TCF7L2: variants seen among roughly 807,000 people sequenced by gnomAD.
TCF7L2 encodes transcription factor 7-like 2.
Under a neutral mutation model 77.9 loss-of-function variants are expected in TCF7L2, and 23 were observed. The observed-to-expected ratio is 0.30, with a 90% CI of 0.21 to 0.42. The LOEUF (loss-of-function observed/expected upper bound fraction) is 0.42, where lower values mean the gene tolerates loss of function less well. Ranked by LOEUF, TCF7L2 falls within the 10% of genes least tolerant of loss-of-function variation. The pLI, the probability that TCF7L2 is intolerant of heterozygous loss-of-function variation, is 1.00. For synonymous variants in TCF7L2, 413 were observed against 340.2 expected (o/e 1.21, Z -2.36); for missense variants, 654 against 793.1 (o/e 0.82, Z 2.11).
chr10:113,091,250 A>G (rs2060371276), intron 5 of TCF7L2, among the ~76,000 whole-genome samples: 1 of 152,194 alleles, frequency 6.6e-6, no homozygotes, highest in South Asian at 2.1e-4. Context: ...AGTCATTCAT[A>G]TGCACAGACC....
intron 8 of TCF7L2, among the ~76,000 whole-genome samples, chr10:113,146,534 G>A (rs2069445288): frequency 1.3e-5 from 2 of 151,724 alleles, no homozygotes; most frequent in African/African-American, 4.8e-5. Context: ...TCCTCCCCTC[G>A]AAGGTAGCAC....
chr10:113,161,282 G>A, intron 13 of TCF7L2: 1 of 451,840 alleles, frequency 2.2e-6, no homozygotes, highest in South Asian at 3.2e-5. Context: ...ACCAGCTAAA[G>A]GGCTGCAAGC....
At chr10:113,010,942 G>C (rs1472097601) in intron 4 of TCF7L2, among the ~76,000 whole-genome samples, 2 of 152,150 alleles carry the variant, frequency 1.3e-5, no homozygotes, top group African/African-American at 4.8e-5. Context: ...CCTGAGTCCG[G>C]CTGCAGTGAG....
intron 4 of TCF7L2, among the ~76,000 whole-genome samples, chr10:113,023,729 C>A (rs1279667219): frequency 6.6e-6 from 1 of 151,840 alleles, no homozygotes; most frequent in Non-Finnish European, 1.5e-5. Flanking sequence ...AGTGCAATGG[C>A]GTGATCTCGG....
chr10:112,980,591 A>C (rs1289233324), intron 4 of TCF7L2, among the ~76,000 whole-genome samples: 1 of 151,378 alleles, frequency 6.6e-6, no homozygotes, highest in African/African-American at 2.4e-5. Context: ...GTCTTAAGTC[A>C]CTAGTTTTTA....
intron 4 of TCF7L2, among the ~76,000 whole-genome samples, chr10:113,039,535 C>T (rs962341832): frequency 3.3e-5 from 5 of 152,144 alleles, no homozygotes; most frequent in African/African-American, 4.8e-5. Context: ...GACAGCTGCT[C>T]ATATGTACTT....
chr10:112,957,691 T>C (rs1351513490), intron 3 of TCF7L2, among the ~76,000 whole-genome samples: 1 of 152,146 alleles, frequency 6.6e-6, no homozygotes, highest in Admixed American at 6.5e-5. Context: ...TCAGCAAAGA[T>C]GGGCTGCGAT....
At chr10:113,058,156 TTC>T (rs1300523792) in intron 5 of TCF7L2, among the ~76,000 whole-genome samples, 1 of 152,238 alleles carries the variant, frequency 6.6e-6, no homozygotes, top group Admixed American at 6.5e-5. Flanking sequence ...CCCCTAGGGA[TTC>T]TGTCTTTCAA....
intron 3 of TCF7L2, among the ~76,000 whole-genome samples, chr10:112,954,645 T>TG: frequency 6.6e-6 from 1 of 152,238 alleles, no homozygotes; most frequent in Non-Finnish European, 1.5e-5. Context: ...TGGTAACATT[T>TG]GTATATTAAA....
intron 7 of TCF7L2, among the ~76,000 whole-genome samples, chr10:113,145,791 A>G (rs2069268047): frequency 6.6e-6 from 1 of 152,196 alleles, no homozygotes; most frequent in Non-Finnish European, 1.5e-5. Context: ...ACATAAGCAG[A>G]GGTTATAAAA....
rs116763828 is a variant in TCF7L2, at chr10:113,046,666, G to A, written c.552+6540G>A. The stretch of plus-strand genomic sequence containing the variant: ...TGGTATCTTAGACTACTTAAGGATG[G>A]GAATTGCTAATTTTGTATTTAAAAG... On this transcript the variant is annotated intron_variant, in intron 5 of 13. Transcript: ENST00000627217. Among the ~76,000 whole-genome samples, 402 of 152,072 alleles carry A rather than the reference G, an allele frequency of 2.6e-3. 1 individual carries two copies. Among genetic ancestry groups the A allele is most frequent in the African/African-American group, 9.2e-3 (380 of 41,396 alleles).
rs118046020 is a variant in TCF7L2 at position 113,030,314 on chromosome 10, G to A, written c.451-9711G>A. Among the ~76,000 whole-genome samples the A allele has an allele frequency of 9.1e-3, 1,382 of 152,162 alleles. 12 individuals are homozygous for A. The highest frequency in any genetic ancestry group is 0.014 in the Non-Finnish European group (944 of 68,004). On this transcript the variant is annotated intron_variant, in intron 4 of 13. Coordinates refer to ENST00000627217, the MANE Select transcript of TCF7L2 (RefSeq NM_001146274.2). The stretch of plus-strand genomic sequence containing the variant: ...ACCGCATTTTAGTTATCCAGCTATC[G>A]GTTGAGACTTGGTGCATTCTTATCC...
intron 4 of TCF7L2, 103 bp from the exon 5 acceptor site, chr10:113,039,922 T>G: frequency 1.1e-6 from 1 of 945,948 alleles, no homozygotes; most frequent in Non-Finnish European, 1.6e-6. Context: ...CTTGTATGTT[T>G]TTCAGTTTCT....
intron 4 of TCF7L2, among the ~76,000 whole-genome samples, chr10:112,981,326 G>T (rs893022340): frequency 6.6e-6 from 1 of 151,010 alleles, no homozygotes; most frequent in African/African-American, 2.4e-5. Flanking sequence ...AAAAAATAAA[G>T]AAAGAAAAAA....
At chr10:113,074,473 C>T (rs958563949) in intron 5 of TCF7L2, among the ~76,000 whole-genome samples, 1 of 152,150 alleles carries the variant, frequency 6.6e-6, no homozygotes, top group Non-Finnish European at 1.5e-5. Flanking sequence ...ATTAATCTTG[C>T]TAATGTCAAT....
At chr10:113,145,723 C>T (rs558586174) in intron 7 of TCF7L2, among the ~76,000 whole-genome samples, 1 of 152,282 alleles carries the variant, frequency 6.6e-6, no homozygotes, top group East Asian at 1.9e-4. Context: ...AGCGAGACTT[C>T]GCCTTTAATT....
Position 113,021,302 on chromosome 10 carries a change from C to T in TCF7L2, c.451-18723C>T, listed in dbSNP as rs1476509514. 2.0e-5 allele frequency among the ~76,000 whole-genome samples: 3 copies of T among 152,156 alleles called. 1 individual carries two copies. Among genetic ancestry groups the T allele is most frequent in the African/African-American group, 7.2e-5 (3 of 41,440 alleles). On this transcript the variant is annotated intron_variant, in intron 4 of 13. Transcript: ENST00000627217. Reference sequence around the variant, plus strand: ...GTAAGACTGCAAATGTTAGATGATTCTGCTACTTATTATTGTTTTCTTTTT... The same window carrying T: ...GTAAGACTGCAAATGTTAGATGATTTTGCTACTTATTATTGTTTTCTTTTT...
At chr10:113,154,906 C>T (rs1225404) in intron 11 of TCF7L2, among the ~76,000 whole-genome samples, 108,447 of 151,884 alleles carry the variant, frequency 0.71, 39,403 homozygotes, top group East Asian at 0.94. Flanking sequence ...TCCTTTTATG[C>T]GCTAGGGAAC....
chr10:113,076,776 G>A (rs998772233), intron 5 of TCF7L2, among the ~76,000 whole-genome samples: 4 of 152,190 alleles, frequency 2.6e-5, no homozygotes, highest in African/African-American at 9.7e-5. Flanking sequence ...TCCATAGCAA[G>A]CTGTGCCATT....
Sources: gnomAD v4.1 joint callset for allele counts (sites outside exome capture counted in the v4.1 genomes callset) on GRCh38, gnomAD v4.1.1 for gene constraint, MANE v1.5 for transcripts, NCBI Gene and HGNC (gene_info 2026-07-23, HGNC 2026-07-21) for gene names.